Variants in EHHADH observed in about 807,000 individuals in gnomAD.
EHHADH encodes the protein peroxisomal bifunctional enzyme.
A neutral mutation model predicts 64.4 loss-of-function variants in EHHADH; 48 were observed. The observed-to-expected ratio is 0.75, with a 90% CI of 0.59 to 0.95. The LOEUF is 0.95. EHHADH is among the 40% of genes least tolerant of loss of function. EHHADH has a pLI of 0.00. For missense variants in EHHADH, 854 were observed against 876.6 expected (o/e 0.97, Z 0.33); for synonymous variants, 308 against 326.7 (o/e 0.94, Z 0.62).
At chr3:185,209,624 G>C (rs1718485885) in intron 5 of EHHADH, among the ~76,000 whole-genome samples, 1 of 152,222 alleles carries the variant, frequency 6.6e-6, no homozygotes, top group South Asian at 2.1e-4. Flanking sequence ...GGTGTGTTAG[G>C]CGTGTCCAAG....
At chr3:185,242,532 G>A (rs1421370234) in intron 2 of EHHADH, among the ~76,000 whole-genome samples, 1 of 152,152 alleles carries the variant, frequency 6.6e-6, no homozygotes. Context: ...ACAGCCAACT[G>A]ATCTTTGACA....
At chr3:185,249,574 T>C (rs755228767) in intron 1 of EHHADH, among the ~76,000 whole-genome samples, 8 of 152,208 alleles carry the variant, frequency 5.3e-5, no homozygotes, top group Non-Finnish European at 1.2e-4. Flanking sequence ...TCTAGTGGTT[T>C]ATAAGTTGCA....
At chr3:185,234,388 C>T (rs60655700) in intron 3 of EHHADH, among the ~76,000 whole-genome samples, 19,796 of 152,168 alleles carry the variant, frequency 0.13, 1,908 homozygotes, top group African/African-American at 0.26. Flanking sequence ...TTAGAAGTGA[C>T]AGCCAACATA....
At position 185,192,328 on chromosome 3, in the gene EHHADH, G is replaced by A. The variant is rs1411340152; in HGVS notation, c.2070C>T (p.Pro690=). Residue 690 remains proline, a synonymous_variant, in exon 7 of 7, where the codon CCC becomes CCT. Transcript: ENST00000231887. Reference sequence around the variant, plus strand: ...TTAGATAGTCACTTGGCTCCAGTTGGGGAATATCAGGGTTCTGCCTGTAAT... The same window carrying A: ...TTAGATAGTCACTTGGCTCCAGTTGAGGAATATCAGGGTTCTGCCTGTAAT... The part of the protein sequence containing the change: ...QKYYRQNPDI[P]QLEPSDYLKK... The A allele has an allele frequency of 1.9e-6, 3 of 1,614,070 alleles. No homozygotes were observed.
intron 6 of EHHADH, among the ~76,000 whole-genome samples, chr3:185,203,529 C>T (rs2108628902): frequency 6.6e-6 from 1 of 152,212 alleles, no homozygotes; most frequent in East Asian, 1.9e-4. Flanking sequence ...TGAGCCGAGA[C>T]TAAGAGCAAG....
Position 185,192,889 on chromosome 3 carries a change from C to T in EHHADH, c.1509G>A (p.Glu503=). 6.2e-7 allele frequency: 1 copy of T among 1,614,184 alleles called. No individual in the cohort carries two copies. Among genetic ancestry groups the T allele is most frequent in the Non-Finnish European group, 8.5e-7 (1 of 1,180,016 alleles). ...ACTCTTCCAGCACCTGATCTACCTC[C>T]TCTGGTTTGCTGCCTTCTTCTAACA... ...YFLLEEGSKP[E]EVDQVLEEFG... The change falls in exon 7 of 7, where the codon GAG becomes GAA. Residue 503 remains glutamate, a synonymous_variant. Transcript: ENST00000231887.
rs1210132626 is a variant in EHHADH at position 185,246,020 on chromosome 3, T to A, written c.178+2394A>T. ...GCTATCTTCATCTTCTAGAGCTTCA[T>A]CTTTCTCTAGTAGTTCATCCTCATC... On this transcript the variant is annotated intron_variant, in intron 2 of 6. Coordinates refer to ENST00000231887, the MANE Select transcript of EHHADH (RefSeq NM_001966.4). 4 of 1,364,952 alleles carry A rather than the reference T, an allele frequency of 2.9e-6. No individual in the cohort carries two copies. The African/African-American group carries it at 5.7e-5, about 20-fold the overall frequency. 84.6% of individuals were successfully genotyped at this position (1,364,952 alleles called of 1,614,324 possible). A position where few individuals can be genotyped will look rare whatever the true frequency, so the allele number is the denominator to read the frequency against.
chr3:185,221,304 AAATT>A (rs1341033226), intron 4 of EHHADH, among the ~76,000 whole-genome samples: 1 of 152,162 alleles, frequency 6.6e-6, no homozygotes, highest in African/African-American at 2.4e-5. Context: ...TTTGCACAAT[AAATT>A]GTCTCATGTG....
At chr3:185,240,963 C>G (rs949602546) in intron 2 of EHHADH, among the ~76,000 whole-genome samples, 6 of 151,188 alleles carry the variant, frequency 4.0e-5, no homozygotes, top group African/African-American at 1.2e-4. Flanking sequence ...CCCACTCCCA[C>G]CCTTCCCCCC....
chr3:185,241,117 T>C (rs1223571987), intron 2 of EHHADH, among the ~76,000 whole-genome samples: 1 of 152,202 alleles, frequency 6.6e-6, no homozygotes, highest in African/African-American at 2.4e-5. Context: ...CTCATCCAGA[T>C]TGCTGCGAAT....
intron 3 of EHHADH, among the ~76,000 whole-genome samples, chr3:185,230,629 A>C (rs1015251993): frequency 6.9e-6 from 1 of 145,894 alleles, no homozygotes; most frequent in Admixed American, 6.9e-5. Flanking sequence ...TGCTAAACAA[A>C]AAAAGCCAGT....
In EHHADH at chr3:185,193,211, A is replaced by G. The variant is rs1316241887; in HGVS notation, c.1187T>C (p.Leu396Pro). 1 of 1,610,574 alleles carries G rather than the reference A, an allele frequency of 6.2e-7. No homozygotes were observed. Among genetic ancestry groups the G allele is most frequent in the African/African-American group, 1.3e-5 (1 of 74,864 alleles). The change falls in exon 7 of 7, where the codon CTC becomes CCC. Residue 396 changes from leucine (L) to proline (P), a missense_variant. Leu to Pro is a moderately conservative substitution (Grantham distance 98). Transcript: ENST00000231887. ...MSLKKQVFAE[L>P]SAVCKPEAFL... Reference sequence around the variant, plus strand: ...TGCTTCTGGTTTGCACACAGCTGAGAGTTCAGCAAAGACCTGCTTCTTCAG... The same window carrying G: ...TGCTTCTGGTTTGCACACAGCTGAGGGTTCAGCAAAGACCTGCTTCTTCAG...
chr3:185,229,023 T>C (rs921005596), intron 4 of EHHADH, among the ~76,000 whole-genome samples: 1 of 152,176 alleles, frequency 6.6e-6, no homozygotes, highest in African/African-American at 2.4e-5. Flanking sequence ...TTCCAACTCC[T>C]GACCTCAAGT....
At chr3:185,236,033 A>G (rs957701523) in intron 2 of EHHADH, among the ~76,000 whole-genome samples, 2 of 152,204 alleles carry the variant, frequency 1.3e-5, no homozygotes, top group African/African-American at 4.8e-5. Context: ...TAAAAATAAT[A>G]TTTATTGCTT....
At chr3:185,238,203 A>G (rs1442310200) in intron 2 of EHHADH, among the ~76,000 whole-genome samples, 1 of 152,186 alleles carries the variant, frequency 6.6e-6, no homozygotes, top group East Asian at 1.9e-4. Flanking sequence ...TATCATTAAC[A>G]GTGCTGTGAT....
chr3:185,195,495 C>T (rs1355383559), intron 6 of EHHADH, among the ~76,000 whole-genome samples: 1 of 152,122 alleles, frequency 6.6e-6, no homozygotes, highest in Admixed American at 6.5e-5. Flanking sequence ...CCAGCAATTC[C>T]ACTGATATCT....
chr3:185,232,456 TC>T (rs1205742506), intron 3 of EHHADH, among the ~76,000 whole-genome samples: 1 of 152,214 alleles, frequency 6.6e-6, no homozygotes, highest in Non-Finnish European at 1.5e-5. Context: ...TGATTTTTTT[TC>T]TTTTTTTTGA....
At chr3:185,235,592 CT>C (rs1213219879) in intron 2 of EHHADH, 130 bp from the exon 3 acceptor site, 1 of 758,668 alleles carries the variant, frequency 1.3e-6, no homozygotes, top group African/African-American at 1.8e-5. Flanking sequence ...TTTAGAGTTC[CT>C]GATGACTAAA....
rs1719566214 is a variant in EHHADH at position 185,245,313 on chromosome 3, T to C, written c.178+3101A>G. 8.5e-6 allele frequency: 3 copies of C among 353,630 alleles called. No individual in the cohort carries two copies. The Admixed American group carries it at 1.4e-4, about 17-fold the overall frequency. The allele number at this position is 353,630 out of a possible 1,614,324, so 21.9% of individuals were successfully genotyped here. On this transcript the variant is annotated intron_variant, in intron 2 of 6. Transcript: ENST00000231887. Reference sequence around the variant, plus strand: ...GTCAACAGCTTGAGCATCAGCATCTTGCAAGGATTTCACACCAACCAGCCA... The same window carrying C: ...GTCAACAGCTTGAGCATCAGCATCTCGCAAGGATTTCACACCAACCAGCCA...
Sources: allele counts gnomAD v4.1 joint callset (sites outside exome capture counted in the v4.1 genomes callset), GRCh38; gene constraint gnomAD v4.1.1; transcripts MANE v1.5; gene names NCBI Gene and HGNC (gene_info 2026-07-23, HGNC 2026-07-21).